Variants in ZNF574 observed in about 807,000 individuals in gnomAD.
ZNF574 encodes zinc finger protein 574.
Under a neutral mutation model 56.6 loss-of-function variants are expected in ZNF574, and 25 were observed. That is an observed-to-expected ratio of 0.44 (90% CI 0.32 to 0.62). ZNF574 has a LOEUF of 0.62. Ranked by LOEUF, ZNF574 falls within the 20% of genes least tolerant of loss-of-function variation. ZNF574 has a pLI of 0.04. For synonymous variants in ZNF574, 543 were observed against 492.1 expected, an observed-to-expected ratio of 1.10 and a Z score of -1.37; for missense variants, 1,065 against 1,218.9, an observed-to-expected ratio of 0.87 and a Z score of 1.88.
rs769648256 is a variant in ZNF574, at chr19:42,080,231, G to A, written c.1625G>A (p.Arg542Gln). ...TCACCTGCCAACCTGGCCCGCCACCGGCTCACACACACAGGAGAGCGGCCC... is the reference window on the plus strand; with the variant it reads ...TCACCTGCCAACCTGGCCCGCCACCAGCTCACACACACAGGAGAGCGGCCC... The part of the protein sequence containing the change: ...FNSPANLARH[R>Q]LTHTGERPYR... Residue 542 changes from arginine (R) to glutamine (Q), a missense_variant, in exon 2 of 2, where the codon CGG (arginine) becomes CAG (glutamine). Transcript: ENST00000359044. This position sits in a 1 kb window ranked among gnomAD's most constrained non-coding sequence, Gnocchi z 8.5. The A allele has an allele frequency of 8.7e-6, 14 of 1,613,984 alleles. No homozygotes were observed. Among genetic ancestry groups the A allele is most frequent in the East Asian group, 4.5e-5 (2 of 44,874 alleles).
At chr19:42,075,907 G>A (rs558125852), upstream of ZNF574, among the ~76,000 whole-genome samples, 1 of 152,380 alleles carries the variant, frequency 6.6e-6, no homozygotes, top group Admixed American at 6.5e-5. Flanking sequence ...TCGAGGAGGA[G>A]GAGGAGCATC....
chr19:42,075,425 A>T (rs910951786), upstream of ZNF574, among the ~76,000 whole-genome samples: 5 of 152,008 alleles, frequency 3.3e-5, no homozygotes, highest in Non-Finnish European at 7.4e-5. Context: ...ATTTCTTCCA[A>T]TGAAATTGTC....
In ZNF574 at chr19:42,080,562, G is replaced by A. The variant is rs1463225588; in HGVS notation, c.1956G>A (p.Arg652=). The A allele has an allele frequency of 1.9e-6, 3 of 1,612,708 alleles. No homozygotes were observed. The highest frequency in any genetic ancestry group is 1.7e-5 in the Admixed American group (1 of 59,978). The part of the protein sequence containing the change: ...GAAFPSSLRL[R]EHRCAAAAAQ... Reference sequence around the variant, plus strand: ...CCTTCCCCTCCTCACTGCGGCTCCGGGAGCACCGCTGTGCAGCCGCTGCTG... The same window carrying A: ...CCTTCCCCTCCTCACTGCGGCTCCGAGAGCACCGCTGTGCAGCCGCTGCTG... Residue 652 remains arginine, a synonymous_variant, in exon 2 of 2, where the codon CGG becomes CGA. Coordinates refer to ENST00000359044, the MANE Select transcript of ZNF574 (RefSeq NM_022752.6). This position sits in a 1 kb window ranked among gnomAD's most constrained non-coding sequence, Gnocchi z 8.5.
upstream of ZNF574, chr19:42,074,545 C>T (rs559356209): frequency 2.6e-5 from 4 of 152,106 alleles, no homozygotes; most frequent in Non-Finnish European, 5.9e-5. Context: ...CTCTCTGCCT[C>T]ACATGAGATG....
chr19:42,079,231 G>A lies in ZNF574; in HGVS notation c.625G>A (p.Val209Met), dbSNP rs111308949. 1.2e-6 allele frequency: 2 copies of A among 1,613,926 alleles called. No homozygotes were observed. Among genetic ancestry groups the A allele is most frequent in the African/African-American group, 1.3e-5 (1 of 74,906 alleles). Residue 209 changes from valine to methionine, a missense_variant, in exon 2 of 2, where the codon GTG becomes ATG. By Grantham distance (21) the Val-to-Met change is conservative. Transcript: ENST00000359044. This position sits in a 1 kb window ranked among gnomAD's most constrained non-coding sequence, Gnocchi z 4.3. ...AATTTEVVTEVELLLYKCSEC... is the reference protein window; with the variant it reads ...AATTTEVVTEMELLLYKCSEC... Reference sequence around the variant, plus strand: ...CACCACCACTGAGGTAGTGACTGAGGTGGAGCTGCTCCTCTACAAGTGCTC... The same window carrying A: ...CACCACCACTGAGGTAGTGACTGAGATGGAGCTGCTCCTCTACAAGTGCTC...
chr19:42,081,298 C>T lies in ZNF574; in HGVS notation c.*1C>T, dbSNP rs2076500172. On this transcript the variant is annotated 3_prime_UTR_variant, in exon 2 of 2. Coordinates refer to ENST00000359044, the MANE Select transcript of ZNF574 (RefSeq NM_022752.6). ...TGAGGGGGTCCAGATCAGTGGCTGA[C>T]TCTGCCCGACTTCCTCTTTGGCACC... 2 of 1,614,022 alleles carry T rather than the reference C, an allele frequency of 1.2e-6. No individual in the cohort carries two copies. The highest frequency in any genetic ancestry group is 8.5e-7 in the Non-Finnish European group (1 of 1,180,050).
chr19:42,077,441 A>C (rs890084931), intron 1 of ZNF574, among the ~76,000 whole-genome samples: 3 of 152,124 alleles, frequency 2.0e-5, no homozygotes, highest in Non-Finnish European at 4.4e-5. Flanking sequence ...CTAGCAAATT[A>C]AAAAAGATTA....
chr19:42,070,738 G>A (rs577460658), intron 1 of ZNF574: 5 of 152,708 alleles, frequency 3.3e-5, no homozygotes, highest in Admixed American at 1.3e-4. Context: ...GACCTCCCGC[G>A]AAGGAAAACG....
chr19:42,079,056 G>A lies in ZNF574; in HGVS notation c.450G>A (p.Arg150=), dbSNP rs201376909. The stretch of plus-strand genomic sequence containing the variant: ...TGAACCACCGGCAGACGCACCTCCG[G>A]GCCACACCCACCAAGGCTCCTGCCC... ...LWLNHRQTHL[R]ATPTKAPAPV... Residue 150 remains arginine, a synonymous_variant, in exon 2 of 2, where the codon CGG becomes CGA. Coordinates refer to ENST00000359044, the MANE Select transcript of ZNF574 (RefSeq NM_022752.6). The surrounding 1 kb of genome is among the most constrained non-coding windows in gnomAD (Gnocchi z 4.3). 30 of 1,614,126 alleles carry A rather than the reference G, an allele frequency of 1.9e-5. No individual in the cohort carries two copies. In the East Asian group the frequency reaches 5.8e-4, roughly 31 times the overall value.
upstream of ZNF574, among the ~76,000 whole-genome samples, chr19:42,075,485 T>C (rs554585269): frequency 2.0e-5 from 3 of 152,302 alleles, no homozygotes; most frequent in East Asian, 3.9e-4. Flanking sequence ...CCCTATGACA[T>C]TTCTCCTCTC....
chr19:42,080,957 AC>A lies in ZNF574; in HGVS notation c.2353del (p.Arg785GlyfsTer154). 1 of 1,614,142 alleles carries A rather than the reference AC, an allele frequency of 6.2e-7. No homozygotes were observed. Among genetic ancestry groups the A allele is most frequent in the South Asian group, 1.1e-5 (1 of 91,082 alleles). Reference sequence around the variant, plus strand: ...CGTCAGAGTACCCACCTGAAAGACCACCGGCGCCTGCACACAGGTGAGCGGC... The same window carrying A: ...CGTCAGAGTACCCACCTGAAAGACCACGGCGCCTGCACACAGGTGAGCGGC... ...AFRQSTHLKD[H>X]RRLHTGERPF... On this transcript the variant is annotated frameshift_variant, in exon 2 of 2. Coordinates refer to ENST00000359044, the MANE Select transcript of ZNF574 (RefSeq NM_022752.6). LOFTEE classifies it high-confidence loss of function. The surrounding 1 kb of genome is among the most constrained non-coding windows in gnomAD (Gnocchi z 8.5).
intron 1 of ZNF574, among the ~76,000 whole-genome samples, chr19:42,077,632 A>G (rs1405619196): frequency 2.0e-5 from 3 of 152,002 alleles, no homozygotes; most frequent in Non-Finnish European, 4.4e-5. Context: ...CTCAGAGGGG[A>G]TTAGAATTGT....
At chr19:42,074,931 G>C (rs1007922434), upstream of ZNF574, 2 of 152,240 alleles carry the variant, frequency 1.3e-5, no homozygotes, top group African/African-American at 4.8e-5. Flanking sequence ...TCGCCCAGGC[G>C]GGAGTGCAGT....
At position 42,079,913 on chromosome 19, in the gene ZNF574, A is replaced by G. The variant is rs1399009577; in HGVS notation, c.1307A>G (p.Glu436Gly). 1.9e-6 allele frequency: 3 copies of G among 1,613,916 alleles called. No individual in the cohort carries two copies. In the Admixed American group the frequency reaches 5.0e-5, roughly 27 times the overall value. Residue 436 changes from glutamate (E) to glycine (G), a missense_variant, in exon 2 of 2, where the codon GAG (glutamate) becomes GGG (glycine). Glu to Gly is a moderately conservative substitution (Grantham distance 98). Transcript: ENST00000359044. The surrounding 1 kb of genome is among the most constrained non-coding windows in gnomAD (Gnocchi z 4.3). The part of the protein sequence containing the change: ...PPEEPVIGFP[E>G]PAPAETGEPE... ...GAGGAACCTGTCATTGGTTTCCCTG[A>G]GCCAGCCCCAGCAGAGACTGGAGAG...
intron 1 of ZNF574, among the ~76,000 whole-genome samples, chr19:42,070,154 A>AG (rs1218711540): frequency 2.0e-5 from 3 of 151,958 alleles, no homozygotes; most frequent in Admixed American, 1.3e-4. Context: ...CTCCCCTCCG[A>AG]GGCCGCCGCC....
At chr19:42,073,901 G>T (rs1014037101), upstream of ZNF574, among the ~76,000 whole-genome samples, 4 of 150,806 alleles carry the variant, frequency 2.7e-5, no homozygotes, top group African/African-American at 7.3e-5. Context: ...AGGCTGGGTG[G>T]GGGGGTGGAT....
intron 1 of ZNF574, 52 bp from the exon 2 acceptor site, chr19:42,078,535 A>G: frequency 2.0e-6 from 3 of 1,479,082 alleles, no homozygotes; most frequent in Non-Finnish European, 2.8e-6. Flanking sequence ...TGAAGGGAAG[A>G]GCTGAGGAAT....
At chr19:42,071,959 A>G (rs895095744), upstream of ZNF574, among the ~76,000 whole-genome samples, 9 of 151,728 alleles carry the variant, frequency 5.9e-5, no homozygotes, top group Admixed American at 5.9e-4. Context: ...AGCCATGATC[A>G]TGCCACTGCA....
chr19:42,076,883 C>G (rs2076459954), intron 1 of ZNF574, among the ~76,000 whole-genome samples: 1 of 151,932 alleles, frequency 6.6e-6, no homozygotes, highest in African/African-American at 2.4e-5. Flanking sequence ...AGGCCTTAAA[C>G]CAATGTGTCA....
Sources: allele counts gnomAD v4.1 joint callset (sites outside exome capture counted in the v4.1 genomes callset), GRCh38; gene constraint gnomAD v4.1.1; non-coding constraint Gnocchi (gnomAD v3.1); transcripts MANE v1.5; gene names NCBI Gene and HGNC (gene_info 2026-07-23, HGNC 2026-07-21).